UBAP2: variants seen among roughly 807,000 people sequenced by gnomAD.
UBAP2 encodes ubiquitin-associated protein 2.
A neutral mutation model predicts 139.6 loss-of-function variants in UBAP2; 75 were observed. The observed-to-expected ratio is 0.54, with a 90% confidence interval of 0.45 to 0.65. The LOEUF (loss-of-function observed/expected upper bound fraction) is 0.65, where lower values mean the gene tolerates loss of function less well. UBAP2 is among the 30% of genes least tolerant of loss of function. The pLI, the probability that UBAP2 is intolerant of heterozygous loss-of-function variation, is 0.00. For synonymous variants in UBAP2, 526 were observed against 526.2 expected, an observed-to-expected ratio of 1.00 and a Z score of 0.01; for missense variants, 1,368 against 1,369.6, an observed-to-expected ratio of 1.00 and a Z score of 0.02.
chr9:34,033,498 A>G (rs1826060473), intron 1 of UBAP2, among the ~76,000 whole-genome samples: 1 of 152,090 alleles, frequency 6.6e-6, no homozygotes, highest in Non-Finnish European at 1.5e-5. Context: ...GGAGGTAGGG[A>G]TGGTTATTGA....
chr9:33,933,050 G>A (rs1824133908), intron 18 of UBAP2, among the ~76,000 whole-genome samples: 1 of 152,278 alleles, frequency 6.6e-6, no homozygotes, highest in South Asian at 2.1e-4. Flanking sequence ...GAAGACACAG[G>A]TAGCAACGCC....
intron 2 of UBAP2, among the ~76,000 whole-genome samples, chr9:34,003,084 G>A (rs1822865224): frequency 1.3e-5 from 2 of 149,602 alleles, no homozygotes; most frequent in East Asian, 2.0e-4. Flanking sequence ...TTTTTGAGAC[G>A]AAGTCTCCCT....
chr9:33,956,317 A>ATT (rs55858327), intron 10 of UBAP2, among the ~76,000 whole-genome samples, 171 bp from the exon 11 acceptor site: 1 of 134,022 alleles, frequency 7.5e-6, no homozygotes, highest in Admixed American at 7.5e-5. Flanking sequence ...AGTGAATGCA[A>ATT]TTTTTTTTTT....
At chr9:34,004,679 G>C (rs1564058062) in intron 2 of UBAP2, among the ~76,000 whole-genome samples, 1 of 151,588 alleles carries the variant, frequency 6.6e-6, no homozygotes, top group Non-Finnish European at 1.5e-5. Flanking sequence ...AGCTACTCGG[G>C]AGGCTGAGGC....
intron 4 of UBAP2, 52 bp downstream of exon 4, chr9:33,996,171 C>A: frequency 7.3e-7 from 1 of 1,379,230 alleles, no homozygotes; most frequent in Non-Finnish European, 1.0e-6. Flanking sequence ...TGAAAATGTG[C>A]TACGGAATTG....
intron 1 of UBAP2, among the ~76,000 whole-genome samples, chr9:34,040,836 G>A (rs1190398537): frequency 1.3e-5 from 2 of 152,174 alleles, no homozygotes; most frequent in Non-Finnish European, 2.9e-5. Context: ...TACCATCCTT[G>A]ACAGATTTGA....
intron 2 of UBAP2, among the ~76,000 whole-genome samples, chr9:34,013,957 C>A (rs1032521712): frequency 6.6e-6 from 1 of 151,562 alleles, no homozygotes; most frequent in Non-Finnish European, 1.5e-5. Context: ...TTAGCAAATA[C>A]TTCCCAGAAT....
intron 23 of UBAP2, 94 bp downstream of exon 23, chr9:33,924,110 AAG>A: frequency 1.3e-6 from 2 of 1,576,968 alleles, no homozygotes; most frequent in East Asian, 2.2e-5. Flanking sequence ...ACAGGCTACT[AAG>A]AGGCCTCTCT....
Position 33,927,071 on chromosome 9 carries a change from G to A in UBAP2, c.2381C>T (p.Pro794Leu). 4 of 1,612,374 alleles carry A rather than the reference G, an allele frequency of 2.5e-6. No individual in the cohort carries two copies. Among genetic ancestry groups the A allele is most frequent in the Non-Finnish European group, 3.4e-6 (4 of 1,179,186 alleles). ...AAPLVTSGKA[P>L]PNLPQGVPPL... ...AGGCACCCCCTGAGGTAAGTTTGGG[G>A]GTGCTTTGCCTGTATAGAGGGAAAA... The change falls in exon 21 of 29, where the codon CCC becomes CTC. Residue 794 changes from proline (P) to leucine (L), a missense_variant. By Grantham distance (98) the Pro-to-Leu change is moderately conservative. Coordinates refer to ENST00000379238, the MANE Select transcript of UBAP2 (RefSeq NM_001370062.2).
chr9:33,973,218 C>T lies in UBAP2; in HGVS notation c.540G>A (p.Gly180=). 6.2e-7 allele frequency: 1 copy of T among 1,614,008 alleles called. No individual in the cohort carries two copies. The change falls in exon 7 of 29, where the codon GGG becomes GGA. Residue 180 remains glycine (G), a synonymous_variant. Transcript: ENST00000379238. ...ARGRGFGRGR[G]RGAGRFSTQG... is the part of the protein sequence containing the mutation. Reference sequence around the variant, plus strand: ...GGGTTGAGAACCTTCCTGCCCCTCTCCCTCTGCCACGTCCAAATCCTTTAA... The same window carrying T: ...GGGTTGAGAACCTTCCTGCCCCTCTTCCTCTGCCACGTCCAAATCCTTTAA...
intron 1 of UBAP2, among the ~76,000 whole-genome samples, chr9:34,033,124 C>A (rs1394442529): frequency 6.6e-6 from 1 of 151,904 alleles, no homozygotes; most frequent in East Asian, 1.9e-4. Context: ...GGGTATATAC[C>A]CAAAATAAGG....
At chr9:33,963,912 A>C in intron 8 of UBAP2, 121 bp from the exon 9 acceptor site, 1 of 700,988 alleles carries the variant, frequency 1.4e-6, no homozygotes, top group Non-Finnish European at 2.5e-6. Context: ...GGATAGTGAA[A>C]TGTAATTGAA....
At chr9:33,972,401 G>A (rs913010898) in intron 7 of UBAP2, among the ~76,000 whole-genome samples, 1 of 152,200 alleles carries the variant, frequency 6.6e-6, no homozygotes, top group African/African-American at 2.4e-5. Flanking sequence ...GCTCCTGAGA[G>A]TTTGCTCCCT....
intron 2 of UBAP2, among the ~76,000 whole-genome samples, chr9:34,001,824 C>T (rs1822727618): frequency 6.6e-6 from 1 of 152,090 alleles, no homozygotes; most frequent in African/African-American, 2.4e-5. Context: ...ATCCAAGCAC[C>T]ACTGATGCTC....
intron 4 of UBAP2, among the ~76,000 whole-genome samples, chr9:33,991,294 CTG>C (rs1821690602): frequency 7.6e-6 from 1 of 132,042 alleles, no homozygotes; most frequent in East Asian, 2.0e-4. Context: ...GAGCGAGACT[CTG>C]TATCAAAAAT....
intron 2 of UBAP2, among the ~76,000 whole-genome samples, chr9:34,003,258 T>A (rs542088974): frequency 2.0e-4 from 30 of 152,098 alleles, no homozygotes; most frequent in African/African-American, 6.5e-4. Flanking sequence ...CTTGAACGTC[T>A]GACCTCGAGT....
intron 2 of UBAP2, among the ~76,000 whole-genome samples, chr9:34,016,370 C>CGGCGGTGGTGGTGGTGGTGGTGGT (rs1321174650): frequency 1.7e-4 from 16 of 93,734 alleles, no homozygotes; most frequent in African/African-American, 7.3e-4. Context: ...GCGGCAGCGG[C>CGGCGGTGGTGGTGGTGGTGGTGGT]GGTGGTGGTG....
At chr9:33,937,266 G>A (rs778529824) in intron 16 of UBAP2, among the ~76,000 whole-genome samples, 2 of 152,098 alleles carry the variant, frequency 1.3e-5, no homozygotes, top group Non-Finnish European at 2.9e-5. Context: ...AACTGCGTCT[G>A]GGGTGTAAAT....
intron 12 of UBAP2, among the ~76,000 whole-genome samples, chr9:33,949,997 A>T (rs764348058): frequency 1.3e-5 from 2 of 152,228 alleles, no homozygotes; most frequent in Non-Finnish European, 2.9e-5. Flanking sequence ...ACAATGGAAG[A>T]TCAACTACAT....
Sources: allele counts gnomAD v4.1 joint callset (sites outside exome capture counted in the v4.1 genomes callset), GRCh38; gene constraint gnomAD v4.1.1; transcripts MANE v1.5; gene names NCBI Gene and HGNC (gene_info 2026-07-23, HGNC 2026-07-21).